The following SH3PXD2B variants were observed in gnomAD, a reference collection of about 807,000 sequenced individuals.
The protein encoded by SH3PXD2B is SH3 and PX domain-containing protein 2B.
A neutral mutation model predicts 73.1 loss-of-function variants in SH3PXD2B; 37 were observed. That is an observed-to-expected ratio of 0.51 (90% CI 0.39 to 0.67). SH3PXD2B has a LOEUF of 0.67. Ranked by LOEUF, SH3PXD2B falls within the 30% of genes least tolerant of loss-of-function variation. The probability of loss-of-function intolerance (pLI) is 0.00; values close to 1 mark genes in which losing one functional copy is unlikely to be tolerated. For missense variants in SH3PXD2B, 1,053 were observed against 1,197.8 expected, an observed-to-expected ratio of 0.88 and a Z score of 1.78; for synonymous variants, 457 against 480.5, an observed-to-expected ratio of 0.95 and a Z score of 0.64.
intron 5 of SH3PXD2B, among the ~76,000 whole-genome samples, chr5:172,377,095 C>T (rs1757837777): frequency 6.6e-6 from 1 of 152,202 alleles, no homozygotes; most frequent in African/African-American, 2.4e-5. Context: ...CCATGCACCC[C>T]TGCTTCCACT....
intron 1 of SH3PXD2B, among the ~76,000 whole-genome samples, chr5:172,446,440 G>A (rs1759662628): frequency 6.6e-6 from 1 of 152,208 alleles, no homozygotes; most frequent in Non-Finnish European, 1.5e-5. Flanking sequence ...CCCACAGCTG[G>A]CTTCATCGCC....
Position 172,353,820 on chromosome 5 carries a change from TGTGACCCCAAACCCACCCAGC to T in SH3PXD2B, c.785+47_785+67del, listed in dbSNP as rs1216073742. ...CCGACCTCTGTGAGGCCAGAGTCCC[TGTGACCCCAAACCCACCCAGC>T]GTGACCCCAAACCCACCCAGCAACC... On this transcript the variant is annotated intron_variant, in intron 9 of 12. Transcript: ENST00000311601. The surrounding 1 kb of genome is among the most constrained non-coding windows in gnomAD (Gnocchi z 4.3). 37 of 1,270,120 alleles carry T rather than the reference TGTGACCCCAAACCCACCCAGC, an allele frequency of 2.9e-5. No homozygotes were observed. The highest frequency in any genetic ancestry group is 2.6e-4 in the Middle Eastern group (1 of 3,916). 78.7% of individuals were successfully genotyped at this position (1,270,120 alleles called of 1,614,324 possible).
At chr5:172,382,793 G>A (rs756152396) in intron 4 of SH3PXD2B, among the ~76,000 whole-genome samples, 5 of 152,082 alleles carry the variant, frequency 3.3e-5, no homozygotes, top group African/African-American at 7.2e-5. Flanking sequence ...CAGTGGTGCA[G>A]CCTCGGCTCA....
rs752576211 is a variant in SH3PXD2B, at chr5:172,339,532, G to A, written c.1573C>T (p.Arg525Trp). 11 of 1,613,996 alleles carry A rather than the reference G, an allele frequency of 6.8e-6. No individual in the cohort carries two copies. Among genetic ancestry groups the A allele is most frequent in the South Asian group, 2.2e-5 (2 of 91,090 alleles). The change falls in exon 13 of 13, where the codon CGG (arginine) becomes TGG (tryptophan). Residue 525 changes from arginine (R) to tryptophan (W), a missense_variant. Transcript: ENST00000311601. The surrounding 1 kb of genome is among the most constrained non-coding windows in gnomAD (Gnocchi z 6.1). ...DMEEKPSLPP[R>W]KESIIKSEGE... ...TCCGACTTGATGATGGATTCTTTCCGCGGAGGGAGGCTGGGCTTCTCCTCC... is the reference window on the plus strand; with the variant it reads ...TCCGACTTGATGATGGATTCTTTCCACGGAGGGAGGCTGGGCTTCTCCTCC...
At position 172,350,526 on chromosome 5, in the gene SH3PXD2B, C is replaced by A. The variant is rs150388601; in HGVS notation, c.849G>T (p.Leu283Phe). 1.2e-6 allele frequency: 2 copies of A among 1,613,928 alleles called. No individual in the cohort carries two copies. Among genetic ancestry groups the A allele is most frequent in the Non-Finnish European group, 8.5e-7 (1 of 1,179,974 alleles). The stretch of plus-strand genomic sequence containing the variant: ...GTGAGCCAGGGCCTGGCTTCGGGGG[C>A]AAGGGCTCCCCACTGTTCTTCTTTA... ...SYLKKNSGEP[L>F]PPKPGPGSPS... The change falls in exon 10 of 13, where the codon TTG becomes TTT. Residue 283 changes from leucine (L) to phenylalanine (F), a missense_variant. This residue lies in a region of SH3PXD2B where 466 missense variants were observed against 607.1 expected (regional missense o/e 0.77). Transcript: ENST00000311601.
intron 1 of SH3PXD2B, among the ~76,000 whole-genome samples, chr5:172,444,148 C>T (rs1336759333): frequency 6.6e-6 from 1 of 152,240 alleles, no homozygotes; most frequent in African/African-American, 2.4e-5. Context: ...CCCACTCACA[C>T]CTGGCCCATA....
At chr5:172,433,264 G>GT (rs1438110024) in intron 1 of SH3PXD2B, among the ~76,000 whole-genome samples, 1 of 152,106 alleles carries the variant, frequency 6.6e-6, no homozygotes, top group Non-Finnish European at 1.5e-5. Context: ...CTAGGTTTGT[G>GT]TAAGTACACA....
chr5:172,383,615 A>G (rs773891504), intron 4 of SH3PXD2B, among the ~76,000 whole-genome samples: 9 of 152,212 alleles, frequency 5.9e-5, no homozygotes, highest in South Asian at 4.1e-4. Context: ...TGGTTCACGC[A>G]TACATTTTGT....
In SH3PXD2B at chr5:172,454,257, TG is replaced by T. The variant is rs749883884; in HGVS notation, c.75+20del. ...GACGGGGCGCGGGCTCAAGGGGGCGTGGGGGCCGCGCCGCACTCACATAATG... is the reference window on the plus strand; with the variant it reads ...GACGGGGCGCGGGCTCAAGGGGGCGTGGGGCCGCGCCGCACTCACATAATG... On this transcript the variant is annotated intron_variant, in intron 1 of 12. Coordinates refer to ENST00000311601, the MANE Select transcript of SH3PXD2B (RefSeq NM_001017995.3). 15 of 1,580,378 alleles carry T rather than the reference TG, an allele frequency of 9.5e-6. No individual in the cohort carries two copies. The highest frequency in any genetic ancestry group is 1.0e-5 in the Non-Finnish European group (12 of 1,167,078).
At chr5:172,396,031 G>A (rs1039646815) in intron 3 of SH3PXD2B, among the ~76,000 whole-genome samples, 3 of 151,868 alleles carry the variant, frequency 2.0e-5, no homozygotes, top group East Asian at 1.9e-4. Context: ...GATCAAGCTC[G>A]GGCAGGCAGG....
Position 172,346,752 on chromosome 5 carries a change from CA to C in SH3PXD2B, c.1063-492del, listed in dbSNP as rs200678590. ...AATCGGCACGCTGCATGGCACGCAACAGGTGCTTGATAAATAGCAGACATTA... is the reference window on the plus strand; with the variant it reads ...AATCGGCACGCTGCATGGCACGCAACGGTGCTTGATAAATAGCAGACATTA... On this transcript the variant is annotated intron_variant, in intron 11 of 12. Transcript: ENST00000311601. Among the ~76,000 whole-genome samples the C allele has an allele frequency of 2.5e-3, 374 of 152,122 alleles. 4 individuals carry two copies. Among genetic ancestry groups the C allele is most frequent in the African/African-American group, 8.7e-3 (360 of 41,486 alleles).
At chr5:172,451,127 G>C (rs1221806524) in intron 1 of SH3PXD2B, among the ~76,000 whole-genome samples, 1 of 152,212 alleles carries the variant, frequency 6.6e-6, no homozygotes, top group Non-Finnish European at 1.5e-5. Context: ...TCATGGAGAA[G>C]GCACCATTTC....
At chr5:172,360,757 G>T (rs529822181) in intron 7 of SH3PXD2B, among the ~76,000 whole-genome samples, 6 of 152,178 alleles carry the variant, frequency 3.9e-5, no homozygotes, top group Non-Finnish European at 8.8e-5. Context: ...ACTTGAACCC[G>T]GGAGGTGGAG....
intron 2 of SH3PXD2B, among the ~76,000 whole-genome samples, chr5:172,412,039 C>T (rs1758713193): frequency 6.6e-6 from 1 of 152,172 alleles, no homozygotes; most frequent in African/African-American, 2.4e-5. Context: ...GCTGTAGCTA[C>T]CTCCAATAAG....
At chr5:172,392,602 C>T (rs1158182762) in intron 4 of SH3PXD2B, among the ~76,000 whole-genome samples, 2 of 149,438 alleles carry the variant, frequency 1.3e-5, no homozygotes, top group African/African-American at 5.0e-5. Flanking sequence ...AGTGTAACCC[C>T]GTCTCTACTA....
chr5:172,326,115 C>G lies in SH3PXD2B; in HGVS notation c.1189-735G>C, dbSNP rs1387985470. On this transcript the variant is annotated intron_variant, in intron 12 of 12. Transcript: ENST00000519643. Reference sequence around the variant, plus strand: ...GGCCCTGCCTCTTAATACTTAAAGGCCAATGTCACATTGGCAACATCTGAA... The same window carrying G: ...GGCCCTGCCTCTTAATACTTAAAGGGCAATGTCACATTGGCAACATCTGAA... 3.9e-5 allele frequency among the ~76,000 whole-genome samples: 6 copies of G among 152,312 alleles called. No individual in the cohort carries two copies. In the South Asian group the frequency reaches 1.2e-3, roughly 32 times the overall value.
intron 7 of SH3PXD2B, among the ~76,000 whole-genome samples, chr5:172,359,732 C>A (rs1221373186): frequency 6.6e-6 from 1 of 152,102 alleles, no homozygotes; most frequent in African/African-American, 2.4e-5. Context: ...TGTCTGTGTT[C>A]GAATCCCTCA....
At chr5:172,390,436 G>A (rs866144505) in intron 4 of SH3PXD2B, among the ~76,000 whole-genome samples, 23 of 152,204 alleles carry the variant, frequency 1.5e-4, no homozygotes, top group African/African-American at 5.3e-4. Flanking sequence ...CCAGGCTGGA[G>A]TACAGTAGCA....
intron 1 of SH3PXD2B, among the ~76,000 whole-genome samples, chr5:172,448,371 G>A (rs181854063): frequency 6.6e-6 from 1 of 152,148 alleles, no homozygotes; most frequent in South Asian, 2.1e-4. Flanking sequence ...TATTTTTGCC[G>A]ACAGAGTCTC....
Sources: gnomAD v4.1 joint callset for allele counts (sites outside exome capture counted in the v4.1 genomes callset) on GRCh38, gnomAD v4.1.1 for gene constraint, gnomAD v4.1.1 regional missense constraint, Gnocchi (gnomAD v3.1) non-coding constraint, MANE v1.5 for transcripts, NCBI Gene and HGNC (gene_info 2026-07-23, HGNC 2026-07-21) for gene names.